DENND2A: variants seen among roughly 807,000 people sequenced by gnomAD.
The protein encoded by DENND2A is DENN domain-containing protein 2A.
Under a neutral mutation model 105.3 loss-of-function variants are expected in DENND2A, and 53 were observed. That is an observed-to-expected ratio of 0.50 (90% CI 0.40 to 0.63). The LOEUF is 0.63. Among genes scored for constraint, DENND2A ranks in the 30% least tolerant of loss-of-function variants. The probability of loss-of-function intolerance (pLI) is 0.00; values close to 1 mark genes in which losing one functional copy is unlikely to be tolerated. For missense variants in DENND2A, 1,138 were observed against 1,279.6 expected (o/e 0.89, Z 1.69); for synonymous variants, 522 against 508.4 (o/e 1.03, Z -0.36).
At chr7:140,525,559 C>G (rs1220666104) in intron 16 of DENND2A, among the ~76,000 whole-genome samples, 192 bp downstream of exon 16, 1 of 152,180 alleles carries the variant, frequency 6.6e-6, no homozygotes, top group Non-Finnish European at 1.5e-5. Flanking sequence ...AGAAAGCAAT[C>G]CTTTGCCCAA....
chr7:140,534,706 T>C (rs1400255870), intron 14 of DENND2A, among the ~76,000 whole-genome samples: 1 of 151,422 alleles, frequency 6.6e-6, no homozygotes, highest in Non-Finnish European at 1.5e-5. Flanking sequence ...TGCTGCAGAG[T>C]GTGGAGGTGG....
At chr7:140,558,266 C>T (rs762722924) in intron 10 of DENND2A, 54 bp from the exon 11 acceptor site, 73 of 1,436,914 alleles carry the variant, frequency 5.1e-5, no homozygotes, top group Non-Finnish European at 6.7e-5. Context: ...CCAAAGACAC[C>T]TCATCACTCT....
chr7:140,594,936 G>A (rs754956835), intron 3 of DENND2A, among the ~76,000 whole-genome samples: 23 of 151,946 alleles, frequency 1.5e-4, no homozygotes, highest in Non-Finnish European at 2.9e-4. Flanking sequence ...GGAAGGTCTC[G>A]ATCTCTTGAC....
intron 1 of DENND2A, 109 bp from the exon 2 acceptor site, chr7:140,605,915 C>T (rs1208037225): frequency 1.3e-5 from 2 of 152,154 alleles, no homozygotes; most frequent in African/African-American, 2.4e-5. Flanking sequence ...ATAGATTCCA[C>T]CCAGGAGCAG....
intron 14 of DENND2A, among the ~76,000 whole-genome samples, chr7:140,532,907 G>GT (rs937735135): frequency 6.0e-5 from 9 of 149,994 alleles, no homozygotes; most frequent in South Asian, 2.1e-4. Context: ...GCCTATGTGT[G>GT]TTTTTTTTCC....
intron 14 of DENND2A, among the ~76,000 whole-genome samples, chr7:140,540,872 C>T (rs1185856011): frequency 6.6e-6 from 1 of 152,118 alleles, no homozygotes; most frequent in Non-Finnish European, 1.5e-5. Context: ...TGCACGCCAC[C>T]ACGACCAGCT....
At chr7:140,571,429 TGG>T (rs1371521610) in intron 6 of DENND2A, among the ~76,000 whole-genome samples, 2 of 152,198 alleles carry the variant, frequency 1.3e-5, no homozygotes, top group Admixed American at 6.5e-5. Flanking sequence ...CCCAAAGTGC[TGG>T]GATTACAGGC....
intron 5 of DENND2A, among the ~76,000 whole-genome samples, chr7:140,575,604 C>T (rs1414044201): frequency 6.6e-6 from 1 of 152,106 alleles, no homozygotes; most frequent in Non-Finnish European, 1.5e-5. Flanking sequence ...AGATATCCAT[C>T]AATAGAGGGG....
chr7:140,520,369 A>AT (rs971353881), intron 18 of DENND2A, among the ~76,000 whole-genome samples: 7 of 151,000 alleles, frequency 4.6e-5, no homozygotes, highest in African/African-American at 1.7e-4. Flanking sequence ...GTGCTCTCCC[A>AT]TTTCCCTGCA....
At chr7:140,569,845 G>A (rs556498703) in intron 6 of DENND2A, 107 bp from the exon 7 acceptor site, 2 of 767,166 alleles carry the variant, frequency 2.6e-6, no homozygotes, top group South Asian at 1.5e-5. Flanking sequence ...CCAGGGCCAG[G>A]GGGAGTGGGA....
intron 1 of DENND2A, among the ~76,000 whole-genome samples, chr7:140,613,045 C>T (rs1467159869): frequency 3.3e-5 from 5 of 150,978 alleles, no homozygotes; most frequent in African/African-American, 9.7e-5. Context: ...ACCCGGGAGG[C>T]GGAGGTTGCA....
At chr7:140,567,866 G>A (rs1291785479) in intron 8 of DENND2A, among the ~76,000 whole-genome samples, 1 of 152,206 alleles carries the variant, frequency 6.6e-6, no homozygotes, top group Non-Finnish European at 1.5e-5. Flanking sequence ...GAGTCCGGGA[G>A]CAGCTGGGTG....
chr7:140,587,693 T>C lies in DENND2A; in HGVS notation c.1083A>G (p.Thr361=). ...DWYAQTKLGL[T]RTLSEENVYE... ...AGACGTTCTCCTCCGATAAAGTGCG[T>C]GTCAGCCCCAGCTTAGTCTGCGCGT... The change falls in exon 4 of 20, where the codon ACA becomes ACG. Residue 361 remains threonine (T), a synonymous_variant. Coordinates refer to ENST00000496613, the MANE Select transcript of DENND2A (RefSeq NM_015689.5). The C allele has an allele frequency of 2.5e-6, 4 of 1,613,998 alleles. No individual in the cohort carries two copies. Among genetic ancestry groups the C allele is most frequent in the Non-Finnish European group, 2.5e-6 (3 of 1,179,940 alleles).
intron 13 of DENND2A, among the ~76,000 whole-genome samples, chr7:140,545,571 G>A (rs1025461988): frequency 3.9e-5 from 6 of 152,116 alleles, no homozygotes; most frequent in East Asian, 3.9e-4. Flanking sequence ...GGCTGGTCTC[G>A]AACTCCTGAC....
At chr7:140,531,889 C>T (rs751892092) in intron 14 of DENND2A, among the ~76,000 whole-genome samples, 25 of 151,526 alleles carry the variant, frequency 1.6e-4, no homozygotes, top group South Asian at 8.3e-4. Flanking sequence ...GGAAGGCATA[C>T]CCTGGGTCTG....
At chr7:140,521,344 G>A (rs111418008) in intron 18 of DENND2A, among the ~76,000 whole-genome samples, 81 of 151,992 alleles carry the variant, frequency 5.3e-4, no homozygotes, top group African/African-American at 1.6e-3. Flanking sequence ...CATGATCTCG[G>A]CTTATTGCAA....
chr7:140,541,937 G>A (rs1201864096), intron 14 of DENND2A, among the ~76,000 whole-genome samples: 1 of 152,214 alleles, frequency 6.6e-6, no homozygotes. Flanking sequence ...GCCTCCTGAG[G>A]AATTCCACAT....
chr7:140,629,858 C>CTT (rs551954045), intron 1 of DENND2A, among the ~76,000 whole-genome samples: 47 of 138,294 alleles, frequency 3.4e-4, no homozygotes, highest in African/African-American at 7.7e-4. Context: ...CTTTCTCTCT[C>CTT]TTTTTTTTTT....
At chr7:140,591,536 G>A (rs79887155) in intron 3 of DENND2A, among the ~76,000 whole-genome samples, 5,486 of 152,068 alleles carry the variant, frequency 0.036, 176 homozygotes, top group African/African-American at 0.092. Context: ...AGAACTAGTA[G>A]GAAAGTAGGA....
Sources: gnomAD v4.1 joint callset for allele counts (sites outside exome capture counted in the v4.1 genomes callset) on GRCh38, gnomAD v4.1.1 for gene constraint, MANE v1.5 for transcripts, NCBI Gene and HGNC (gene_info 2026-07-23, HGNC 2026-07-21) for gene names.